The following OXCT1 variants were observed in gnomAD, a reference collection of about 807,000 sequenced individuals.
OXCT1 encodes 3-oxoacid CoA-transferase 1.
In OXCT1, 27 loss-of-function variants were observed where a neutral mutation model predicts 69.6. The ratio of observed to expected loss-of-function variants is 0.39; its 90% CI spans 0.29 to 0.54. OXCT1 has a LOEUF of 0.54. Ranked by LOEUF, OXCT1 falls within the 20% of genes least tolerant of loss-of-function variation. The probability of loss-of-function intolerance (pLI) is 0.72; values close to 1 mark genes in which losing one functional copy is unlikely to be tolerated. For synonymous variants in OXCT1, 202 were observed against 217.8 expected (o/e 0.93, Z 0.64); for missense variants, 437 against 650.2 (o/e 0.67, Z 3.57).
intron 5 of OXCT1, 145 bp from the exon 6 acceptor site, chr5:41,842,926 T>C (rs1748708846): frequency 1.4e-6 from 1 of 722,680 alleles, no homozygotes; most frequent in Non-Finnish European, 2.5e-6. Flanking sequence ...ACTTCAAAGA[T>C]AAGCAGTGTT....
At chr5:41,850,312 A>T (rs1749119684) in intron 4 of OXCT1, 133 bp from the exon 5 acceptor site, 1 of 951,394 alleles carries the variant, frequency 1.1e-6, no homozygotes, top group Non-Finnish European at 1.6e-6. Context: ...ACATTAGCAT[A>T]CTTCACTAAT....
chr5:41,784,029 G>A (rs1372578657), intron 13 of OXCT1, among the ~76,000 whole-genome samples: 1 of 152,174 alleles, frequency 6.6e-6, no homozygotes, highest in Non-Finnish European at 1.5e-5. Flanking sequence ...GGCTGGGTGA[G>A]ATGGCTTGCT....
chr5:41,802,518 A>C (rs1311663470), intron 10 of OXCT1, among the ~76,000 whole-genome samples: 3 of 152,112 alleles, frequency 2.0e-5, no homozygotes, highest in Admixed American at 2.0e-4. Context: ...CAAAAGGAGA[A>C]TGAGATGAGA....
intron 7 of OXCT1, among the ~76,000 whole-genome samples, chr5:41,837,610 G>A (rs1489220994): frequency 6.7e-6 from 1 of 149,548 alleles, no homozygotes; most frequent in African/African-American, 2.5e-5. Flanking sequence ...GGAAGGTCTG[G>A]GATAGAAAAA....
chr5:41,823,649 T>C (rs1471804301), intron 7 of OXCT1, among the ~76,000 whole-genome samples: 2 of 152,212 alleles, frequency 1.3e-5, no homozygotes, highest in South Asian at 2.1e-4. Flanking sequence ...TTTTTTCTTA[T>C]TGTGAGAATG....
chr5:41,766,817 TTATAATA>T (rs1744626439), intron 13 of OXCT1, among the ~76,000 whole-genome samples: 1 of 152,136 alleles, frequency 6.6e-6, no homozygotes, highest in Admixed American at 6.6e-5. Flanking sequence ...GAGAAACAAT[TTATAATA>T]TATAGAAACA....
chr5:41,772,710 G>A (rs1744933481), intron 13 of OXCT1, among the ~76,000 whole-genome samples: 1 of 152,200 alleles, frequency 6.6e-6, no homozygotes, highest in African/African-American at 2.4e-5. Flanking sequence ...GACATTCACA[G>A]CAAATTGATA....
At chr5:41,739,537 T>A (rs1743055052) in intron 15 of OXCT1, 46 bp from the exon 16 acceptor site, 2 of 1,352,494 alleles carry the variant, frequency 1.5e-6, no homozygotes, top group Non-Finnish European at 2.1e-6. Context: ...TCCATCAAAA[T>A]AATTATTATA....
chr5:41,807,065 A>C (rs561862184), intron 8 of OXCT1, among the ~76,000 whole-genome samples: 1 of 152,218 alleles, frequency 6.6e-6, no homozygotes, highest in South Asian at 2.1e-4. Flanking sequence ...CAGATCATAA[A>C]TTAGGACAGT....
chr5:41,866,562 C>T (rs1023120561), intron 1 of OXCT1, among the ~76,000 whole-genome samples: 11 of 152,184 alleles, frequency 7.2e-5, no homozygotes, highest in African/African-American at 2.4e-4. Flanking sequence ...CTGCAGAGCA[C>T]GGCATCACTC....
At chr5:41,780,169 T>C (rs1745327801) in intron 13 of OXCT1, among the ~76,000 whole-genome samples, 1 of 152,086 alleles carries the variant, frequency 6.6e-6, no homozygotes. Context: ...CCAAAAGAAA[T>C]GGATGCTTTT....
intron 7 of OXCT1, 63 bp downstream of exon 7, chr5:41,840,388 T>C: frequency 8.0e-7 from 1 of 1,252,848 alleles, no homozygotes; most frequent in Admixed American, 1.7e-5. Context: ...GTACTTTTTC[T>C]TGAATTAATA....
chr5:41,785,891 A>C (rs1252450950), intron 13 of OXCT1, among the ~76,000 whole-genome samples: 2 of 152,338 alleles, frequency 1.3e-5, no homozygotes, highest in African/African-American at 4.8e-5. Flanking sequence ...TCCATTGACA[A>C]ATCAGAGCCT....
At chr5:41,787,634 C>CAAAAAAAAAAAAAAAAAA (rs765691863) in intron 13 of OXCT1, among the ~76,000 whole-genome samples, 4 of 34,726 alleles carry the variant, frequency 1.2e-4, no homozygotes, top group Admixed American at 5.1e-4. Flanking sequence ...AAGCATTAGG[C>CAAAAAAAAAAAAAAAAAA]AAAAAAAAAA....
At chr5:41,861,269 AT>A in intron 3 of OXCT1, 44 bp downstream of exon 3, 5 of 1,156,924 alleles carry the variant, frequency 4.3e-6, no homozygotes, top group Non-Finnish European at 5.2e-6. Flanking sequence ...AATATTAAGA[AT>A]TGGCATTTCT....
At position 41,814,781 on chromosome 5, in the gene OXCT1, C is replaced by T. The variant is rs557688314; in HGVS notation, c.733-7343G>A. ...GGGAGATATACCTAATGCTAGATGA[C>T]GAGTTAGTGGGTGCAGCGCACCAGC... On this transcript the variant is annotated intron_variant, in intron 7 of 16. Coordinates refer to ENST00000196371, the MANE Select transcript of OXCT1 (RefSeq NM_000436.4). 8.3e-4 allele frequency among the ~76,000 whole-genome samples: 125 copies of T among 150,564 alleles called. 1 individual carries two copies. The highest frequency in any genetic ancestry group is 1.7e-3 in the Non-Finnish European group (113 of 67,628).
At chr5:41,765,176 C>G (rs1392788720) in intron 13 of OXCT1, among the ~76,000 whole-genome samples, 1 of 152,110 alleles carries the variant, frequency 6.6e-6, no homozygotes, top group Non-Finnish European at 1.5e-5. Context: ...TTTTGGGTCC[C>G]CACCACTTGC....
At chr5:41,864,032 T>C (rs922126362) in intron 1 of OXCT1, among the ~76,000 whole-genome samples, 2 of 152,184 alleles carry the variant, frequency 1.3e-5, no homozygotes, top group African/African-American at 4.8e-5. Context: ...ACAAGGAAGG[T>C]AAGTCTAGCC....
intron 7 of OXCT1, among the ~76,000 whole-genome samples, chr5:41,827,463 C>T (rs958178160): frequency 2.6e-5 from 4 of 152,082 alleles, no homozygotes; most frequent in African/African-American, 7.2e-5. Flanking sequence ...TTAGAGGATC[C>T]GATGAGATAC....
Sources: allele counts gnomAD v4.1 joint callset (sites outside exome capture counted in the v4.1 genomes callset), GRCh38; gene constraint gnomAD v4.1.1; transcripts MANE v1.5; gene names NCBI Gene and HGNC (gene_info 2026-07-23, HGNC 2026-07-21).